The following RYR3 variants were observed in gnomAD, a reference collection of about 807,000 sequenced individuals.
The protein encoded by RYR3 is brain ryanodine receptor-calcium release channel.
RYR3 carries 207 observed loss-of-function variants against 584.3 expected under a neutral mutation model. The ratio of observed to expected loss-of-function variants is 0.35; its 90% CI spans 0.32 to 0.40. The LOEUF is 0.40. RYR3 is among the 10% of genes least tolerant of loss of function. RYR3 has a pLI of 1.00. For missense variants in RYR3, 5,616 were observed against 6,089.2 expected (o/e 0.92, Z 2.59); for synonymous variants, 2,416 against 2,248.5 (o/e 1.07, Z -2.11).
intron 65 of RYR3, among the ~76,000 whole-genome samples, chr15:33,783,412 T>G (rs1472644386): frequency 1.3e-5 from 2 of 152,240 alleles, no homozygotes; most frequent in Non-Finnish European, 2.9e-5. Flanking sequence ...GAATTCATTC[T>G]GTGGGTTTAT....
At chr15:33,377,850 G>A in intron 1 of RYR3, among the ~76,000 whole-genome samples, 1 of 152,022 alleles carries the variant, frequency 6.6e-6, no homozygotes, top group South Asian at 2.1e-4. Context: ...CTGGAGTGCA[G>A]TGGTGCCATC....
At chr15:33,851,234 G>T (rs2079089479) in intron 94 of RYR3, 1 of 152,158 alleles carries the variant, frequency 6.6e-6, no homozygotes, top group African/African-American at 2.4e-5. Context: ...CAAGTTGAAG[G>T]ATTTCTCTAG....
Position 33,838,346 on chromosome 15 carries a change from C to G in RYR3, c.12366C>G (p.Tyr4122Ter). The change falls in exon 89 of 104, where the codon TAC (tyrosine) becomes TAG (stop). Residue 4122 changes from tyrosine (Y) to a stop codon, truncating the protein, a stop_gained. Transcript: ENST00000634891. LOFTEE classifies it high-confidence loss of function. ...AGGAAGAAGATGAAGATTCTTCTTA[C>G]GTGTTAGAAATTGCGGGTGAAGAGG... is the stretch of plus-strand genomic sequence containing the variant. The part of the protein sequence containing the change: ...EEEEEDEDSS[Y>*]VLEIAGEEEE... The G allele has an allele frequency of 6.2e-7, 1 of 1,613,938 alleles. No homozygotes were observed. Among genetic ancestry groups the G allele is most frequent in the Non-Finnish European group, 8.5e-7 (1 of 1,179,876 alleles).
At chr15:33,554,445 A>G (rs1045627822) in intron 10 of RYR3, among the ~76,000 whole-genome samples, 7 of 151,624 alleles carry the variant, frequency 4.6e-5, no homozygotes, top group African/African-American at 1.2e-4. Context: ...ACAGGCACCC[A>G]CCACCACACC....
chr15:33,447,603 A>G (rs1024768987), intron 1 of RYR3, among the ~76,000 whole-genome samples: 9 of 152,180 alleles, frequency 5.9e-5, no homozygotes, highest in African/African-American at 2.2e-4. Flanking sequence ...ATCATCCTTG[A>G]AAGGACTGTC....
chr15:33,823,240 G>A (rs947008899), intron 81 of RYR3, among the ~76,000 whole-genome samples, 168 bp downstream of exon 81: 2 of 152,158 alleles, frequency 1.3e-5, no homozygotes, highest in African/African-American at 4.8e-5. Context: ...CCTTCAGGAT[G>A]ACAATTCAGC....
intron 89 of RYR3, 80 bp downstream of exon 89, chr15:33,839,038 C>G: frequency 6.7e-7 from 1 of 1,499,648 alleles, no homozygotes; most frequent in Admixed American, 2.2e-5. Flanking sequence ...AGTACTGACA[C>G]CATTTCCCTA....
At chr15:33,658,514 G>A (rs2062953818) in intron 32 of RYR3, among the ~76,000 whole-genome samples, 1 of 152,192 alleles carries the variant, frequency 6.6e-6, no homozygotes, top group African/African-American at 2.4e-5. Context: ...AAGTTCTAGG[G>A]GAATGATGAC....
At chr15:33,585,171 C>A (rs1008064528) in intron 15 of RYR3, among the ~76,000 whole-genome samples, 1 of 152,106 alleles carries the variant, frequency 6.6e-6, no homozygotes, top group Non-Finnish European at 1.5e-5. Context: ...CTTTAACAGA[C>A]CGGCCAAGAG....
chr15:33,561,381 T>A (rs553618587), intron 10 of RYR3, among the ~76,000 whole-genome samples: 5 of 152,102 alleles, frequency 3.3e-5, no homozygotes, highest in Admixed American at 6.6e-5. Context: ...GAGTAGTAGT[T>A]TAGAGTAGGA....
Position 33,772,059 on chromosome 15 carries a change from G to C in RYR3, c.8956G>C (p.Val2986Leu), listed in dbSNP as rs189282419. 6.2e-7 allele frequency: 1 copy of C among 1,613,686 alleles called. No individual in the cohort carries two copies. The highest frequency in any genetic ancestry group is 1.7e-5 in the Admixed American group (1 of 60,012). The change falls in exon 63 of 104, where the codon GTT (valine) becomes CTT (leucine). Residue 2986 changes from valine (V) to leucine (L), a missense_variant. Transcript: ENST00000634891. The stretch of plus-strand genomic sequence containing the variant: ...CCATTCCCGAACGCAGATTAAAGGC[G>C]TTTCTCAGAATATTAACTACACTAC... The part of the protein sequence containing the change: ...FTHSRTQIKG[V>L]SQNINYTTVA...
Position 33,739,852 on chromosome 15 carries a change from C to T in RYR3, c.7677C>T (p.Phe2559=). 2 of 1,613,460 alleles carry T rather than the reference C, an allele frequency of 1.2e-6. No individual in the cohort carries two copies. Among genetic ancestry groups the T allele is most frequent in the Non-Finnish European group, 1.7e-6 (2 of 1,179,702 alleles). Residue 2559 remains phenylalanine (F), a synonymous_variant, in exon 51 of 104, where the codon TTC becomes TTT. Coordinates refer to ENST00000634891, the MANE Select transcript of RYR3 (RefSeq NM_001036.6). ...LSHKKYDPDL[F]RMALPCLSAI... is the part of the protein sequence containing the mutation. ...CACAGAAATATGACCCAGATCTTTT[C>T]CGAATGGCCCTGCCTTGTCTCAGTG...
intron 3 of RYR3, among the ~76,000 whole-genome samples, chr15:33,522,230 T>C (rs1595429606): frequency 6.6e-6 from 1 of 150,842 alleles, no homozygotes; most frequent in African/African-American, 2.4e-5. Context: ...ACCACTGCAC[T>C]CCAGCCTGGG....
At chr15:33,415,024 GT>G (rs1342247855) in intron 1 of RYR3, among the ~76,000 whole-genome samples, 3 of 152,180 alleles carry the variant, frequency 2.0e-5, no homozygotes, top group African/African-American at 7.2e-5. Context: ...GTCCAGTATG[GT>G]AGCCACTGGC....
At chr15:33,634,005 T>C (rs1187339980) in intron 24 of RYR3, among the ~76,000 whole-genome samples, 1 of 152,242 alleles carries the variant, frequency 6.6e-6, no homozygotes, top group African/African-American at 2.4e-5. Flanking sequence ...AATTCTGTGA[T>C]GCTTCATTTT....
intron 1 of RYR3, among the ~76,000 whole-genome samples, chr15:33,468,277 T>A (rs1019008910): frequency 6.6e-6 from 1 of 152,236 alleles, no homozygotes. Flanking sequence ...AAATATTCAC[T>A]GTTATTAAAT....
intron 64 of RYR3, among the ~76,000 whole-genome samples, chr15:33,773,911 C>T (rs62010985): frequency 0.18 from 27,433 of 152,184 alleles, 2,702 homozygotes; most frequent in Middle Eastern, 0.25. Flanking sequence ...GATATGTCTG[C>T]TTCTTCAGAA....
chr15:33,788,105 C>A, intron 66 of RYR3, 113 bp from the exon 67 acceptor site: 3 of 1,297,916 alleles, frequency 2.3e-6, no homozygotes, highest in Non-Finnish European at 3.3e-6. Context: ...GAACAAGGGG[C>A]AGGTGCCATC....
In RYR3 at chr15:33,659,765, A is replaced by T; in HGVS notation, c.4354A>T (p.Thr1452Ser). The T allele has an allele frequency of 6.2e-7, 1 of 1,613,352 alleles. No homozygotes were observed. The highest frequency in any genetic ancestry group is 8.5e-7 in the Non-Finnish European group (1 of 1,179,352). Reference sequence around the variant, plus strand: ...GTTTCCAGCAGTCTTCCTGCAGCCTACAAGTACTTCTTTGTTTCAGTTTGA... The same window carrying T: ...GTTTCCAGCAGTCTTCCTGCAGCCTTCAAGTACTTCTTTGTTTCAGTTTGA... Reference protein sequence around the residue: ...KVFPAVFLQPTSTSLFQFELG... With the variant: ...KVFPAVFLQPSSTSLFQFELG... The change falls in exon 33 of 104, where the codon ACA becomes TCA. Residue 1452 changes from threonine to serine, a missense_variant. Physicochemically the swap from Thr to Ser is moderately conservative, Grantham distance 58. Around this residue, in one of 9 missense-constraint regions of RYR3, gnomAD observed 753 missense variants for 741.0 expected, o/e 1.02. Transcript: ENST00000634891.
Sources: gnomAD v4.1 joint callset for allele counts (sites outside exome capture counted in the v4.1 genomes callset) on GRCh38, gnomAD v4.1.1 for gene constraint, gnomAD v4.1.1 regional missense constraint, MANE v1.5 for transcripts, NCBI Gene and HGNC (gene_info 2026-07-23, HGNC 2026-07-21) for gene names.